Variants in ELOVL2 observed in about 807,000 individuals in gnomAD.
ELOVL2 encodes very long chain fatty acid elongase 2.
Under a neutral mutation model 37.7 loss-of-function variants are expected in ELOVL2, and 38 were observed. The observed-to-expected ratio is 1.01, with a 90% confidence interval of 0.78 to 1.32. ELOVL2 has a LOEUF of 1.32. ELOVL2 is among the 40% of genes most tolerant of loss of function. The pLI is 0.00. For missense variants in ELOVL2, 352 were observed against 363.6 expected, an observed-to-expected ratio of 0.97 and a Z score of 0.26; for synonymous variants, 115 against 122.3, an observed-to-expected ratio of 0.94 and a Z score of 0.40.
At chr6:11,033,503 T>C (rs1782963230) in intron 1 of ELOVL2, among the ~76,000 whole-genome samples, 1 of 152,204 alleles carries the variant, frequency 6.6e-6, no homozygotes, top group African/African-American at 2.4e-5. Flanking sequence ...ATGTAGGTGG[T>C]TGGGCAAATA....
intron 1 of ELOVL2, among the ~76,000 whole-genome samples, chr6:11,012,166 G>A (rs1055165038): frequency 2.0e-5 from 3 of 152,002 alleles, no homozygotes; most frequent in Admixed American, 1.3e-4. Context: ...AGAAAGCTTG[G>A]GAAAGAGGAT....
At chr6:11,013,292 AGG>A (rs1351025375) in intron 1 of ELOVL2, among the ~76,000 whole-genome samples, 4 of 152,134 alleles carry the variant, frequency 2.6e-5, no homozygotes, top group Non-Finnish European at 5.9e-5. Flanking sequence ...AGGTGATGTC[AGG>A]GGAACAAACT....
At chr6:10,986,301 C>T (rs1782052522) in intron 7 of ELOVL2, among the ~76,000 whole-genome samples, 1 of 152,218 alleles carries the variant, frequency 6.6e-6, no homozygotes, top group Non-Finnish European at 1.5e-5. Context: ...CAAACAGGGA[C>T]AGTTTGACTT....
intron 7 of ELOVL2, among the ~76,000 whole-genome samples, chr6:10,985,441 CTA>C (rs1782032073): frequency 8.6e-6 from 1 of 116,466 alleles, no homozygotes; most frequent in Non-Finnish European, 1.6e-5. Flanking sequence ...TTGCCCATGC[CTA>C]TGTCCTGAAT....
chr6:10,984,855 T>C (rs929397131), intron 7 of ELOVL2, among the ~76,000 whole-genome samples: 14 of 152,310 alleles, frequency 9.2e-5, no homozygotes, highest in African/African-American at 3.4e-4. Flanking sequence ...GCATGATTTA[T>C]AGTCCTTTGG....
chr6:10,989,574 G>C (rs1486565658), intron 7 of ELOVL2, 129 bp downstream of exon 7: 5 of 833,538 alleles, frequency 6.0e-6, no homozygotes, highest in Non-Finnish European at 9.3e-6. Context: ...AGAAGGCGGA[G>C]GTTGCAGTGA....
At chr6:10,995,891 G>C (rs1003016896) in intron 4 of ELOVL2, among the ~76,000 whole-genome samples, 1 of 152,146 alleles carries the variant, frequency 6.6e-6, no homozygotes, top group Non-Finnish European at 1.5e-5. Flanking sequence ...ACTTTCCTCT[G>C]CTCTTCTAAA....
intron 6 of ELOVL2, 114 bp from the exon 7 acceptor site, chr6:10,989,951 G>A: frequency 8.0e-7 from 1 of 1,256,994 alleles, no homozygotes; most frequent in African/African-American, 1.5e-5. Context: ...GAATTATGTA[G>A]GAACAAAACA....
chr6:11,024,338 A>C (rs1467053839), intron 1 of ELOVL2, among the ~76,000 whole-genome samples: 1 of 152,248 alleles, frequency 6.6e-6, no homozygotes, highest in Non-Finnish European at 1.5e-5. Context: ...CTAAATGAAC[A>C]CTTTTATGAA....
chr6:11,036,370 C>T (rs1783005434), intron 1 of ELOVL2, among the ~76,000 whole-genome samples: 1 of 152,184 alleles, frequency 6.6e-6, no homozygotes, highest in Non-Finnish European at 1.5e-5. Flanking sequence ...ATGCAGACTT[C>T]AGGCAGTAAA....
At chr6:10,987,249 A>G (rs1459735400) in intron 7 of ELOVL2, among the ~76,000 whole-genome samples, 2 of 151,590 alleles carry the variant, frequency 1.3e-5, no homozygotes, top group African/African-American at 2.4e-5. Flanking sequence ...TTTCTTCTTT[A>G]TTAGTCTTGC....
chr6:11,001,285 T>A (rs1357498770), intron 3 of ELOVL2, among the ~76,000 whole-genome samples: 1 of 152,222 alleles, frequency 6.6e-6, no homozygotes, highest in Non-Finnish European at 1.5e-5. Context: ...AACATCATGC[T>A]AATTAAAGAT....
At chr6:10,985,484 C>A in intron 7 of ELOVL2, among the ~76,000 whole-genome samples, 1 of 108,654 alleles carries the variant, frequency 9.2e-6, no homozygotes, top group East Asian at 4.1e-4. Context: ...GGTTTTAGGT[C>A]TAACGTTTAA....
chr6:11,016,553 C>T lies in ELOVL2; in HGVS notation c.4-5744G>A, dbSNP rs138795478. Among the ~76,000 whole-genome samples the T allele has an allele frequency of 3.9e-4, 60 of 152,300 alleles. 1 individual carries two copies. In the East Asian group the frequency reaches 0.011, roughly 29 times the overall value. The stretch of plus-strand genomic sequence containing the variant: ...GAATAGATTTCGTACTAACCTAACA[C>T]AATTCTAACAACTTCCCAGGAACCT... On this transcript the variant is annotated intron_variant, in intron 1 of 7. Transcript: ENST00000354666.
chr6:11,017,817 C>T (rs1274727396), intron 1 of ELOVL2, among the ~76,000 whole-genome samples: 1 of 152,176 alleles, frequency 6.6e-6, no homozygotes, highest in Non-Finnish European at 1.5e-5. Context: ...TGGCTGGGTC[C>T]TCCACTAAAA....
At chr6:11,029,393 A>C (rs1292836991) in intron 1 of ELOVL2, among the ~76,000 whole-genome samples, 1 of 152,192 alleles carries the variant, frequency 6.6e-6, no homozygotes, top group African/African-American at 2.4e-5. Context: ...AATGAGAATT[A>C]TCATCCTAAC....
At chr6:11,023,028 A>C (rs34438951) in intron 1 of ELOVL2, among the ~76,000 whole-genome samples, 1 of 152,260 alleles carries the variant, frequency 6.6e-6, no homozygotes, top group Non-Finnish European at 1.5e-5. Flanking sequence ...AAAATTATTC[A>C]GTGATTCAAT....
At position 11,005,368 on chromosome 6, in the gene ELOVL2, T is replaced by C; in HGVS notation, c.255+4A>G. ...ACTTCAGCTTTGGCTACATAAACAC[T>C]TACCTCTGCCAGCATGTACGCGGAG... On this transcript the variant is annotated splice_donor_region_variant and intron_variant, in intron 3 of 7. Coordinates refer to ENST00000354666, the MANE Select transcript of ELOVL2 (RefSeq NM_017770.4). 1 of 1,610,554 alleles carries C rather than the reference T, an allele frequency of 6.2e-7. No homozygotes were observed. Among genetic ancestry groups the C allele is most frequent in the East Asian group, 2.2e-5 (1 of 44,856 alleles).
intron 1 of ELOVL2, among the ~76,000 whole-genome samples, chr6:11,041,943 G>C (rs1377168276): frequency 6.6e-6 from 1 of 152,058 alleles, no homozygotes; most frequent in Non-Finnish European, 1.5e-5. Context: ...ATGTCTCTCT[G>C]AACTGACCCA....
Sources: allele counts gnomAD v4.1 joint callset (sites outside exome capture counted in the v4.1 genomes callset), GRCh38; gene constraint gnomAD v4.1.1; transcripts MANE v1.5; gene names NCBI Gene and HGNC (gene_info 2026-07-23, HGNC 2026-07-21).